The following DNAJC3 variants were observed in gnomAD, a reference collection of about 807,000 sequenced individuals.
The protein encoded by DNAJC3 is DnaJ heat shock protein family (Hsp40) member C3, also known as dnaJ homolog subfamily C member 3.
Under a neutral mutation model 68.6 loss-of-function variants are expected in DNAJC3, and 38 were observed. The ratio of observed to expected loss-of-function variants is 0.55; its 90% CI spans 0.43 to 0.73. DNAJC3 has a LOEUF of 0.73. Ranked by LOEUF, DNAJC3 falls within the 30% of genes least tolerant of loss-of-function variation. The pLI, the probability that DNAJC3 is intolerant of heterozygous loss-of-function variation, is 0.00. For missense variants in DNAJC3, 526 were observed against 591.9 expected (o/e 0.89, Z 1.16); for synonymous variants, 203 against 204.0 (o/e 1.00, Z 0.04).
intron 4 of DNAJC3, among the ~76,000 whole-genome samples, chr13:95,750,181 C>T (rs1390642251): frequency 2.6e-5 from 4 of 151,042 alleles, no homozygotes; most frequent in Non-Finnish European, 4.4e-5. Context: ...TTCCCGTCTT[C>T]GACCCATTGC....
rs1490347927 is a variant in DNAJC3 at position 95,793,506 on chromosome 13, T to TTG, written c.*2477_*2478dup. ...CCTTTTTTTTTTTTTTTTTTTTTTT[T>TTG]TGAGACAGAATCTTGCTCTGTTGCC... On this transcript the variant is annotated 3_prime_UTR_variant, in exon 12 of 12. Transcript: ENST00000602402. The TTG allele has an allele frequency of 6.6e-5, 10 of 151,308 alleles. No individual in the cohort carries two copies. The highest frequency in any genetic ancestry group is 1.0e-4 in the Non-Finnish European group (7 of 68,762). The allele number at this position is 151,308 out of a possible 1,614,324, so 9.4% of individuals were successfully genotyped here.
intron 1 of DNAJC3, among the ~76,000 whole-genome samples, chr13:95,701,412 G>C (rs897060066): frequency 3.9e-5 from 6 of 152,178 alleles, no homozygotes; most frequent in Non-Finnish European, 8.8e-5. Flanking sequence ...AGTAGGAGGA[G>C]AGGGGCCGCT....
chr13:95,751,501 G>A (rs1882478240), intron 4 of DNAJC3, among the ~76,000 whole-genome samples: 1 of 152,152 alleles, frequency 6.6e-6, no homozygotes. Context: ...GAGTTAATTG[G>A]ACAAGATGAT....
At chr13:95,790,696 C>CTGTT (rs1883741834) in intron 11 of DNAJC3, among the ~76,000 whole-genome samples, 177 bp from the exon 12 acceptor site, 1 of 152,040 alleles carries the variant, frequency 6.6e-6, no homozygotes, top group Admixed American at 6.5e-5. Flanking sequence ...TTTCTCTAGT[C>CTGTT]TGTTTCTTCA....
At chr13:95,784,559 G>A (rs1372524173) in intron 9 of DNAJC3, among the ~76,000 whole-genome samples, 5 of 152,172 alleles carry the variant, frequency 3.3e-5, no homozygotes, top group African/African-American at 7.2e-5. Flanking sequence ...CACTAGACAC[G>A]TTCTGTCTGG....
chr13:95,734,396 A>G (rs757112747), intron 4 of DNAJC3, among the ~76,000 whole-genome samples: 4 of 152,196 alleles, frequency 2.6e-5, no homozygotes, highest in Non-Finnish European at 5.9e-5. Context: ...CGATAGTCCA[A>G]TGGGGTTTCC....
intron 5 of DNAJC3, 84 bp downstream of exon 5, chr13:95,757,880 A>C: frequency 7.3e-7 from 1 of 1,368,128 alleles, no homozygotes; most frequent in Non-Finnish European, 9.7e-7. Flanking sequence ...ACATACCACA[A>C]AGACCTAGAC....
intron 2 of DNAJC3, among the ~76,000 whole-genome samples, chr13:95,719,117 AC>A (rs930570821): frequency 1.1e-4 from 17 of 152,200 alleles, no homozygotes; most frequent in African/African-American, 2.9e-4. Context: ...GGAAACACTT[AC>A]GTTTACTGGT....
At chr13:95,783,969 C>T (rs1042218087) in intron 9 of DNAJC3, among the ~76,000 whole-genome samples, 36 of 152,060 alleles carry the variant, frequency 2.4e-4, no homozygotes, top group Admixed American at 1.1e-3. Context: ...GGCTTCTTCC[C>T]GAGGCTCCAC....
chr13:95,793,063 A>G lies in DNAJC3; in HGVS notation c.*2033A>G, dbSNP rs1883831341. 6.6e-6 allele frequency: 1 copy of G among 152,076 alleles called. No individual in the cohort carries two copies. 9.4% of individuals were successfully genotyped at this position (152,076 alleles called of 1,614,324 possible). Reference sequence around the variant, plus strand: ...TGCCCAGAGGCTTGTTTGCATTTTCATTTTTTCTCCACTTGTAACAACCAT... The same window carrying G: ...TGCCCAGAGGCTTGTTTGCATTTTCGTTTTTTCTCCACTTGTAACAACCAT... On this transcript the variant is annotated 3_prime_UTR_variant, in exon 12 of 12. Transcript: ENST00000602402.
intron 11 of DNAJC3, among the ~76,000 whole-genome samples, chr13:95,789,520 G>A (rs1285985044): frequency 2.0e-5 from 3 of 152,130 alleles, no homozygotes; most frequent in Non-Finnish European, 4.4e-5. Flanking sequence ...ATTCCATGGT[G>A]TAGATGTACC....
chr13:95,735,760 A>C (rs1277250602), intron 4 of DNAJC3, among the ~76,000 whole-genome samples: 3 of 151,600 alleles, frequency 2.0e-5, no homozygotes, highest in Admixed American at 2.0e-4. Context: ...ATTTTCTCCC[A>C]TTTTGTAGGT....
intron 1 of DNAJC3, chr13:95,694,607 T>G (rs980599609): frequency 6.6e-6 from 1 of 152,612 alleles, no homozygotes; most frequent in African/African-American, 2.4e-5. Context: ...TAATTAAAAT[T>G]ATAAATTATT....
At chr13:95,772,550 T>TAAAA (rs2139685338) in intron 9 of DNAJC3, among the ~76,000 whole-genome samples, 1 of 152,360 alleles carries the variant, frequency 6.6e-6, no homozygotes, top group Non-Finnish European at 1.5e-5. Flanking sequence ...TCATTCTTTT[T>TAAAA]AGTTTTATCC....
chr13:95,720,956 G>T (rs1881303531), intron 2 of DNAJC3, among the ~76,000 whole-genome samples: 1 of 151,764 alleles, frequency 6.6e-6, no homozygotes, highest in African/African-American at 2.4e-5. Context: ...GTACAATTCA[G>T]TGGCATTGTG....
chr13:95,735,946 A>T (rs1055219933), intron 4 of DNAJC3, among the ~76,000 whole-genome samples: 31 of 152,190 alleles, frequency 2.0e-4, no homozygotes, highest in Non-Finnish European at 1.2e-4. Flanking sequence ...AGGGTTTTTA[A>T]GGTTTTAGGT....
rs79154978 is a variant in DNAJC3 at position 95,724,738 on chromosome 13, G to C, written c.319-440G>C. On this transcript the variant is annotated intron_variant, in intron 3 of 11. Transcript: ENST00000602402. ...TTCATATAATGTAACATCGTATAAT[G>C]TTTGGCCTTTTGTGTCTGACTTCTT... 8.2e-3 allele frequency among the ~76,000 whole-genome samples: 1,254 copies of C among 152,246 alleles called. 20 individuals carry two copies. The highest frequency in any genetic ancestry group is 0.028 in the African/African-American group (1,165 of 41,530).
At chr13:95,719,973 A>T (rs1419502961) in intron 2 of DNAJC3, among the ~76,000 whole-genome samples, 1 of 152,192 alleles carries the variant, frequency 6.6e-6, no homozygotes, top group Non-Finnish European at 1.5e-5. Context: ...GGGAATAATG[A>T]AAAAAGTCTG....
intron 1 of DNAJC3, among the ~76,000 whole-genome samples, chr13:95,703,742 G>A (rs572743711): frequency 3.9e-5 from 6 of 152,160 alleles, no homozygotes; most frequent in African/African-American, 1.4e-4. Context: ...TAACTGGTCT[G>A]AGGTGGTAGC....
Sources: gnomAD v4.1 joint callset for allele counts (sites outside exome capture counted in the v4.1 genomes callset) on GRCh38, gnomAD v4.1.1 for gene constraint, MANE v1.5 for transcripts, NCBI Gene and HGNC (gene_info 2026-07-23, HGNC 2026-07-21) for gene names.